Variants in CDH4 observed in about 807,000 individuals in gnomAD.
CDH4 encodes the protein cadherin 4, also known as cadherin-4.
In CDH4, 33 loss-of-function variants were observed where a neutral mutation model predicts 86.0. The ratio of observed to expected loss-of-function variants is 0.38; its 90% CI spans 0.29 to 0.51. The LOEUF (loss-of-function observed/expected upper bound fraction) is 0.51, where lower values mean the gene tolerates loss of function less well. Ranked by LOEUF, CDH4 falls within the 20% of genes least tolerant of loss-of-function variation. The pLI is 0.86. For synonymous variants in CDH4, 555 were observed against 549.4 expected, an observed-to-expected ratio of 1.01 and a Z score of -0.14; for missense variants, 1,114 against 1,307.4, an observed-to-expected ratio of 0.85 and a Z score of 2.28.
At chr20:61,579,565 G>A (rs934767874) in intron 2 of CDH4, among the ~76,000 whole-genome samples, 23 of 152,056 alleles carry the variant, frequency 1.5e-4, no homozygotes, top group African/African-American at 5.1e-4. Context: ...GGGATTACAG[G>A]TGTGAGCCAC....
chr20:61,618,542 C>T (rs971407069), intron 2 of CDH4, among the ~76,000 whole-genome samples: 6 of 152,140 alleles, frequency 3.9e-5, no homozygotes, highest in South Asian at 2.1e-4. Context: ...AATGGGACCC[C>T]GGCCTGTGTG....
chr20:61,718,309 G>A lies in CDH4; in HGVS notation c.170-25254G>A, dbSNP rs372654251. 1.2e-3 allele frequency: 190 copies of A among 164,850 alleles called. 4 individuals are homozygous for A. In the South Asian group the frequency reaches 0.029, roughly 25 times the overall value. The allele number at this position is 164,850 out of a possible 1,614,324, so 10.2% of individuals were successfully genotyped here. A position where few individuals can be genotyped will look rare whatever the true frequency, so the allele number is the denominator to read the frequency against. On this transcript the variant is annotated intron_variant, in intron 2 of 15. Transcript: ENST00000614565. ...GGCATCCCTGCCTCTCCTGTAAGGC[G>A]CTGCCAAGCCACACTCGAGTCACTG... is the stretch of plus-strand genomic sequence containing the variant.
intron 2 of CDH4, among the ~76,000 whole-genome samples, chr20:61,670,865 A>G (rs763584239): frequency 6.6e-6 from 1 of 152,160 alleles, no homozygotes; most frequent in Non-Finnish European, 1.5e-5. Flanking sequence ...GGTTCCAAAC[A>G]GGTTTTGCTG....
intron 2 of CDH4, among the ~76,000 whole-genome samples, chr20:61,398,056 G>A (rs1006900129): frequency 6.6e-6 from 1 of 152,194 alleles, no homozygotes; most frequent in Non-Finnish European, 1.5e-5. Flanking sequence ...CCAGCCAGAA[G>A]TGTGAGCTTC....
At chr20:61,707,626 C>T in intron 2 of CDH4, among the ~76,000 whole-genome samples, 1 of 152,208 alleles carries the variant, frequency 6.6e-6, no homozygotes, top group East Asian at 1.9e-4. Flanking sequence ...CAACCGTGGT[C>T]CCCAAACTTT....
intron 2 of CDH4, among the ~76,000 whole-genome samples, chr20:61,609,688 C>T (rs969440507): frequency 7.9e-5 from 12 of 152,206 alleles, no homozygotes; most frequent in East Asian, 3.9e-4. Context: ...TTGGTCACCT[C>T]GTGTCTTCCC....
chr20:61,935,524 A>C (rs1568899783), intron 15 of CDH4, among the ~76,000 whole-genome samples: 1 of 152,224 alleles, frequency 6.6e-6, no homozygotes, highest in Non-Finnish European at 1.5e-5. Flanking sequence ...TTGGGAGGCC[A>C]AGGCAGGTGG....
intron 11 of CDH4, among the ~76,000 whole-genome samples, chr20:61,927,621 A>C (rs1294759420): frequency 6.6e-6 from 1 of 152,226 alleles, no homozygotes; most frequent in Admixed American, 6.5e-5. Context: ...TCAGGGAGGC[A>C]AGGAAAGGTT....
intron 6 of CDH4, among the ~76,000 whole-genome samples, chr20:61,871,636 G>A (rs1010110326): frequency 2.6e-5 from 4 of 152,276 alleles, no homozygotes; most frequent in Admixed American, 1.3e-4. Context: ...TTAGAGGGGA[G>A]TATGGTTGGG....
intron 2 of CDH4, among the ~76,000 whole-genome samples, chr20:61,477,617 T>A (rs2085546069): frequency 6.6e-6 from 1 of 152,338 alleles, no homozygotes; most frequent in Non-Finnish European, 1.5e-5. Flanking sequence ...AGCTGGCGCC[T>A]CTGCATCCTG....
intron 2 of CDH4, among the ~76,000 whole-genome samples, chr20:61,692,881 C>T (rs1393072545): frequency 6.6e-6 from 1 of 150,964 alleles, no homozygotes; most frequent in Non-Finnish European, 1.5e-5. Context: ...CTCAGAAATG[C>T]CCGTGTGGAT....
chr20:61,384,106 G>C (rs913387676), intron 2 of CDH4, among the ~76,000 whole-genome samples: 1 of 152,068 alleles, frequency 6.6e-6, no homozygotes, highest in African/African-American at 2.4e-5. Context: ...TATTTTAGCT[G>C]TGCTGGCAGC....
chr20:61,776,424 C>T (rs376563067), intron 4 of CDH4, among the ~76,000 whole-genome samples: 2 of 152,286 alleles, frequency 1.3e-5, no homozygotes, highest in South Asian at 2.1e-4. Context: ...ATTCCGTGCT[C>T]CCAGGAAACC....
At chr20:61,657,372 G>A (rs969172082) in intron 2 of CDH4, among the ~76,000 whole-genome samples, 18 of 152,296 alleles carry the variant, frequency 1.2e-4, no homozygotes, top group Middle Eastern at 3.4e-3. Context: ...TACACACTTC[G>A]CAGATGTATC....
Position 61,810,930 on chromosome 20 carries a change from C to A in CDH4, c.577-33738C>A, listed in dbSNP as rs534988604. Among the ~76,000 whole-genome samples the A allele has an allele frequency of 5.3e-5, 8 of 152,186 alleles. No individual in the cohort carries two copies. Among genetic ancestry groups the A allele is most frequent in the Non-Finnish European group, 1.0e-4 (7 of 68,042 alleles). ...AGCTTCGAGACGGGGGCTGCAGGAG[C>A]CTGCAGAGCCTGCGTTATCCTGCAC... On this transcript the variant is annotated intron_variant, in intron 4 of 15. Coordinates refer to ENST00000614565, the MANE Select transcript of CDH4 (RefSeq NM_001794.5). The surrounding 1 kb of genome is among the most constrained non-coding windows in gnomAD (Gnocchi z 4.3).
At chr20:61,722,810 G>A (rs73915370) in intron 2 of CDH4, among the ~76,000 whole-genome samples, 8,564 of 152,174 alleles carry the variant, frequency 0.056, 458 homozygotes, top group African/African-American at 0.15. Context: ...TTTTGTGGGG[G>A]TCCCGTGATC....
At chr20:61,483,954 T>G (rs1392838756) in intron 2 of CDH4, among the ~76,000 whole-genome samples, 3 of 152,218 alleles carry the variant, frequency 2.0e-5, no homozygotes, top group African/African-American at 7.2e-5. Flanking sequence ...CTTTCTGATA[T>G]ACTCATCACC....
rs903122890 is a variant in CDH4 at position 61,754,142 on chromosome 20, C to T, written c.396+10353C>T. Among the ~76,000 whole-genome samples, 2 of 152,152 alleles carry T rather than the reference C, an allele frequency of 1.3e-5. No homozygotes were observed. The highest frequency in any genetic ancestry group is 2.1e-4 in the South Asian group (1 of 4,828). On this transcript the variant is annotated intron_variant, in intron 3 of 15. Transcript: ENST00000614565. The surrounding 1 kb of genome is among the most constrained non-coding windows in gnomAD (Gnocchi z 4.7). ...GAGACGCCCAGAGCAGATTCTCCTG[C>T]ACAGCCTCCCAGGGACCAGTGCTGC...
intron 2 of CDH4, among the ~76,000 whole-genome samples, chr20:61,347,409 A>G (rs2084685794): frequency 6.6e-6 from 1 of 152,152 alleles, no homozygotes; most frequent in African/African-American, 2.4e-5. Context: ...GAAAAACAAA[A>G]CTATCTACAC....
Sources: gnomAD v4.1 joint callset for allele counts (sites outside exome capture counted in the v4.1 genomes callset) on GRCh38, gnomAD v4.1.1 for gene constraint, Gnocchi (gnomAD v3.1) non-coding constraint, MANE v1.5 for transcripts, NCBI Gene and HGNC (gene_info 2026-07-23, HGNC 2026-07-21) for gene names.